Variants in COL21A1 observed in about 807,000 individuals in gnomAD.
The protein encoded by COL21A1 is collagen type XXI alpha 1 chain, also known as collagen alpha-1(XXI) chain.
COL21A1 carries 149 observed loss-of-function variants against 137.9 expected under a neutral mutation model. That is an observed-to-expected ratio of 1.08 (90% CI 0.95 to 1.24). The LOEUF (loss-of-function observed/expected upper bound fraction) is 1.24, where lower values mean the gene tolerates loss of function less well. Ranked by LOEUF, COL21A1 falls within the 50% of genes most tolerant of loss-of-function variation. The pLI is 0.00. For missense variants in COL21A1, 1,167 were observed against 1,158.4 expected (o/e 1.01, Z -0.11); for synonymous variants, 456 against 391.5 (o/e 1.16, Z -1.95).
intron 10 of COL21A1, among the ~76,000 whole-genome samples, chr6:56,148,058 G>T (rs967952337): frequency 1.3e-5 from 2 of 152,096 alleles, no homozygotes; most frequent in Non-Finnish European, 2.9e-5. Flanking sequence ...TGCCTCTCAA[G>T]TGTGGAGTCC....
chr6:56,366,865 G>A (rs752636506), intron 1 of COL21A1, among the ~76,000 whole-genome samples: 1 of 152,324 alleles, frequency 6.6e-6, no homozygotes, highest in East Asian at 1.9e-4. Flanking sequence ...GCCAGTTTGC[G>A]TGCTTAGCAG....
intron 1 of COL21A1, among the ~76,000 whole-genome samples, chr6:56,227,978 C>T (rs1274358043): frequency 1.3e-5 from 2 of 151,742 alleles, no homozygotes; most frequent in Non-Finnish European, 1.5e-5. Context: ...GAAGATAGTA[C>T]CTGAAAATGC....
chr6:56,256,862 A>G (rs923440066), intron 1 of COL21A1, among the ~76,000 whole-genome samples: 5 of 151,970 alleles, frequency 3.3e-5, no homozygotes, highest in Non-Finnish European at 7.4e-5. Context: ...GTTAAAGGAG[A>G]AATGAGCATG....
At chr6:56,150,750 T>C (rs1034323324) in intron 10 of COL21A1, among the ~76,000 whole-genome samples, 10 of 149,932 alleles carry the variant, frequency 6.7e-5, no homozygotes, top group African/African-American at 2.5e-4. Flanking sequence ...CTTCATGGAA[T>C]CCTAGAATAT....
At chr6:56,229,745 T>C (rs371418515) in intron 1 of COL21A1, among the ~76,000 whole-genome samples, 2 of 152,024 alleles carry the variant, frequency 1.3e-5, no homozygotes, top group East Asian at 1.9e-4. Context: ...CAGAAATATA[T>C]GTTAATTTCC....
intron 22 of COL21A1, among the ~76,000 whole-genome samples, chr6:56,068,307 T>A (rs1766435410): frequency 6.6e-6 from 1 of 151,606 alleles, no homozygotes; most frequent in Non-Finnish European, 1.5e-5. Context: ...TAAGAGTTTG[T>A]GTCTTTTCCA....
At position 56,150,789 on chromosome 6, in the gene COL21A1, G is replaced by A. The variant is rs546413637; in HGVS notation, c.1434+6098C>T. 8.9e-4 allele frequency among the ~76,000 whole-genome samples: 136 copies of A among 152,242 alleles called. 1 individual carries two copies. The highest frequency in any genetic ancestry group is 3.4e-3 in the Middle Eastern group (1 of 294). On this transcript the variant is annotated intron_variant, in intron 10 of 29. Transcript: ENST00000244728. ...ATTAGAGAGAACCTAGGCCTCATCT[G>A]GAACCATCTTCTCATTTTCCAAACA...
At chr6:56,139,500 T>TAC (rs35595286) in intron 12 of COL21A1, among the ~76,000 whole-genome samples, 1,777 of 151,350 alleles carry the variant, frequency 0.012, 28 homozygotes, top group African/African-American at 0.04. Context: ...CTTGTGCACA[T>TAC]ACACACACAC....
intron 12 of COL21A1, among the ~76,000 whole-genome samples, chr6:56,129,504 C>A (rs928527847): frequency 3.9e-5 from 6 of 152,124 alleles, no homozygotes; most frequent in African/African-American, 1.2e-4. Flanking sequence ...TGCATTTGGT[C>A]TATTTGTTAT....
intron 1 of COL21A1, among the ~76,000 whole-genome samples, chr6:56,316,134 T>C (rs376315604): frequency 4.6e-5 from 7 of 152,334 alleles, no homozygotes; most frequent in African/African-American, 1.7e-4. Context: ...TACAATATGT[T>C]TTGATATATG....
At chr6:56,382,576 A>T (rs2094010589) in intron 1 of COL21A1, among the ~76,000 whole-genome samples, 1 of 152,164 alleles carries the variant, frequency 6.6e-6, no homozygotes, top group African/African-American at 2.4e-5. Context: ...AAATGAAGTC[A>T]TAAGGGAGAG....
rs536797415 is a variant in COL21A1, at chr6:56,305,339, A to T, written c.-39+88632T>A. Among the ~76,000 whole-genome samples, 5 of 152,258 alleles carry T rather than the reference A, an allele frequency of 3.3e-5. No individual in the cohort carries two copies. In the East Asian group the frequency reaches 7.7e-4, roughly 24 times the overall value. ...TCTAATGTTGACAGTGGGGTGTTAA[A>T]GTCTCCCATGATTATTGTGTGGGAG... On this transcript the variant is annotated intron_variant, in intron 1 of 28. Coordinates refer to the COL21A1 transcript ENST00000370819.
chr6:56,122,374 G>T (rs138833955), intron 16 of COL21A1, among the ~76,000 whole-genome samples: 2 of 150,926 alleles, frequency 1.3e-5, no homozygotes, highest in African/African-American at 2.4e-5. Context: ...GTGCAGTGGC[G>T]CCATCTCGGC....
chr6:56,272,594 G>A (rs1384375939), intron 1 of COL21A1, among the ~76,000 whole-genome samples: 1 of 152,124 alleles, frequency 6.6e-6, no homozygotes, highest in African/African-American at 2.4e-5. Flanking sequence ...GTGTAATGAT[G>A]TGGCTTGGCT....
chr6:56,338,407 C>T (rs1344168202), intron 1 of COL21A1, among the ~76,000 whole-genome samples: 1 of 152,066 alleles, frequency 6.6e-6, no homozygotes, highest in Non-Finnish European at 1.5e-5. Flanking sequence ...CCTGATTGCA[C>T]AGTTCTCTGA....
At chr6:56,176,297 T>C (rs1777464579) in intron 3 of COL21A1, among the ~76,000 whole-genome samples, 1 of 151,968 alleles carries the variant, frequency 6.6e-6, no homozygotes, top group South Asian at 2.1e-4. Context: ...AAAAAGCTTC[T>C]GTGCAGCAAA....
At chr6:56,238,767 C>T (rs914933841) in intron 1 of COL21A1, among the ~76,000 whole-genome samples, 2 of 152,158 alleles carry the variant, frequency 1.3e-5, no homozygotes, top group Non-Finnish European at 2.9e-5. Flanking sequence ...TCCTCAGTTA[C>T]ATGAAGAATA....
At chr6:56,341,361 C>T (rs1765464769) in intron 1 of COL21A1, among the ~76,000 whole-genome samples, 3 of 152,020 alleles carry the variant, frequency 2.0e-5, no homozygotes, top group Non-Finnish European at 4.4e-5. Context: ...ATAATAATTA[C>T]ATTTGTTGTG....
intron 9 of COL21A1, among the ~76,000 whole-genome samples, chr6:56,160,900 CA>C (rs1430193317): frequency 6.6e-6 from 1 of 152,144 alleles, no homozygotes; most frequent in African/African-American, 2.4e-5. Context: ...GCCTTCATTT[CA>C]AAAAACCTTA....
Sources: gnomAD v4.1 joint callset for allele counts (sites outside exome capture counted in the v4.1 genomes callset) on GRCh38, gnomAD v4.1.1 for gene constraint, MANE v1.5 for transcripts, NCBI Gene and HGNC (gene_info 2026-07-23, HGNC 2026-07-21) for gene names.